ZNF618: variants seen among roughly 807,000 people sequenced by gnomAD.
The protein encoded by ZNF618 is zinc finger protein 618, also known as neural precursor cell expressed, developmentally down-regulated 10.
ZNF618 carries 34 observed loss-of-function variants against 103.0 expected under a neutral mutation model. The ratio of observed to expected loss-of-function variants is 0.33; its 90% CI spans 0.25 to 0.44. The LOEUF (loss-of-function observed/expected upper bound fraction) is 0.44. Among genes scored for constraint, ZNF618 ranks in the 20% least tolerant of loss-of-function variants. The pLI, the probability that ZNF618 is intolerant of heterozygous loss-of-function variation, is 1.00. For synonymous variants in ZNF618, 551 were observed against 542.2 expected, an observed-to-expected ratio of 1.02 and a Z score of -0.23; for missense variants, 1,059 against 1,295.4, an observed-to-expected ratio of 0.82 and a Z score of 2.80.
intron 13 of ZNF618, among the ~76,000 whole-genome samples, chr9:114,039,477 A>C (rs1211312947): frequency 6.6e-6 from 1 of 151,320 alleles, no homozygotes; most frequent in African/African-American, 2.4e-5. Context: ...CAGCCTCCCT[A>C]GTAGCTGGGA....
chr9:113,912,166 G>A (rs1336832407), intron 1 of ZNF618, among the ~76,000 whole-genome samples: 1 of 152,204 alleles, frequency 6.6e-6, no homozygotes, highest in Non-Finnish European at 1.5e-5. Flanking sequence ...GGAGATTGGA[G>A]GAATGGTGAG....
chr9:113,924,702 A>G (rs1432316147), intron 1 of ZNF618, among the ~76,000 whole-genome samples: 4 of 151,840 alleles, frequency 2.6e-5, no homozygotes, highest in Admixed American at 1.3e-4. Flanking sequence ...GCTGCTTCCC[A>G]TAAATGTTGA....
intron 2 of ZNF618, among the ~76,000 whole-genome samples, chr9:113,981,804 A>G (rs1350473083): frequency 6.6e-6 from 1 of 152,208 alleles, no homozygotes; most frequent in African/African-American, 2.4e-5. Flanking sequence ...GACCTTGGCC[A>G]TGCCTTTCCT....
intron 13 of ZNF618, among the ~76,000 whole-genome samples, chr9:114,042,266 T>C (rs1845262766): frequency 6.6e-6 from 1 of 152,222 alleles, no homozygotes; most frequent in Admixed American, 6.5e-5. Flanking sequence ...TATTTTAAAA[T>C]ATGACTTACA....
chr9:113,957,079 A>G (rs1282358392), intron 1 of ZNF618, among the ~76,000 whole-genome samples: 1 of 152,212 alleles, frequency 6.6e-6, no homozygotes, highest in Admixed American at 6.5e-5. Flanking sequence ...AACCCAACCC[A>G]TCTGCCTGTA....
chr9:114,013,561 G>A (rs1842426462), intron 9 of ZNF618, among the ~76,000 whole-genome samples: 1 of 152,134 alleles, frequency 6.6e-6, no homozygotes, highest in African/African-American at 2.4e-5. Flanking sequence ...CTCCCAAGTA[G>A]CTGGGACTAC....
At chr9:113,979,653 G>A (rs1838803139) in intron 2 of ZNF618, among the ~76,000 whole-genome samples, 1 of 152,246 alleles carries the variant, frequency 6.6e-6, no homozygotes, top group Admixed American at 6.5e-5. Flanking sequence ...CCAGTGCCAT[G>A]CTGGCATTGA....
At chr9:113,898,030 T>G (rs1031471432) in intron 1 of ZNF618, among the ~76,000 whole-genome samples, 2 of 152,202 alleles carry the variant, frequency 1.3e-5, no homozygotes, top group African/African-American at 4.8e-5. Flanking sequence ...TGACCTCAGA[T>G]GATCCACCCG....
chr9:114,028,716 G>A lies in ZNF618; in HGVS notation c.845-17G>A. The A allele has an allele frequency of 6.5e-7, 1 of 1,546,568 alleles. No individual in the cohort carries two copies. The highest frequency in any genetic ancestry group is 8.7e-7 in the Non-Finnish European group (1 of 1,144,538). On this transcript the variant is annotated splice_polypyrimidine_tract_variant and intron_variant, in intron 10 of 14. Coordinates refer to ENST00000374126, the MANE Select transcript of ZNF618 (RefSeq NM_001318042.2). ...GGCTGGGAGGGCCCTCGGGGACTGA[G>A]AGCGTGACCCTCTCAGGTACTGCCC...
Position 114,028,724 on chromosome 9 carries a change from C to T in ZNF618, c.845-9C>T, listed in dbSNP as rs2134174165. On this transcript the variant is annotated splice_polypyrimidine_tract_variant and intron_variant, in intron 10 of 14. Transcript: ENST00000374126. ...GGGCCCTCGGGGACTGAGAGCGTGACCCTCTCAGGTACTGCCCCCGGGTGG... is the reference window on the plus strand; with the variant it reads ...GGGCCCTCGGGGACTGAGAGCGTGATCCTCTCAGGTACTGCCCCCGGGTGG... 3.9e-6 allele frequency: 6 copies of T among 1,548,198 alleles called. No individual in the cohort carries two copies. The highest frequency in any genetic ancestry group is 2.7e-5 in the African/African-American group (2 of 73,152).
chr9:113,888,642 G>A (rs1374899129), intron 1 of ZNF618, among the ~76,000 whole-genome samples: 1 of 152,230 alleles, frequency 6.6e-6, no homozygotes, highest in Non-Finnish European at 1.5e-5. Flanking sequence ...GTGAGAGGTG[G>A]AGTCAGGATT....
intron 1 of ZNF618, among the ~76,000 whole-genome samples, chr9:113,958,470 T>C (rs1836523020): frequency 6.6e-6 from 1 of 152,184 alleles, no homozygotes; most frequent in African/African-American, 2.4e-5. Context: ...AAGCCCTTTA[T>C]GTTGAGTTGA....
chr9:113,882,978 A>G (rs1828672840), intron 1 of ZNF618, among the ~76,000 whole-genome samples: 1 of 152,172 alleles, frequency 6.6e-6, no homozygotes, highest in South Asian at 2.1e-4. Flanking sequence ...GGTTGTTTGC[A>G]TTTCTGCTTC....
chr9:114,033,925 TGAGTGTG>T (rs1357045728), intron 12 of ZNF618, among the ~76,000 whole-genome samples: 1 of 152,178 alleles, frequency 6.6e-6, no homozygotes, highest in Non-Finnish European at 1.5e-5. Flanking sequence ...AGCGCAGACT[TGAGTGTG>T]GAGGCATCTG....
At chr9:113,939,543 A>C (rs1834364725) in intron 1 of ZNF618, among the ~76,000 whole-genome samples, 1 of 152,154 alleles carries the variant, frequency 6.6e-6, no homozygotes, top group African/African-American at 2.4e-5. Flanking sequence ...ACACCTCACG[A>C]TTTAGAAAAC....
At chr9:114,006,133 G>A (rs184527200) in intron 6 of ZNF618, among the ~76,000 whole-genome samples, 4 of 152,352 alleles carry the variant, frequency 2.6e-5, no homozygotes, top group Non-Finnish European at 5.9e-5. Context: ...GGTGGGGCCA[G>A]AAACCTTCCC....
intron 1 of ZNF618, among the ~76,000 whole-genome samples, chr9:113,901,339 T>A (rs1161070560): frequency 6.6e-6 from 1 of 152,212 alleles, no homozygotes; most frequent in African/African-American, 2.4e-5. Flanking sequence ...GTCTCCTGTC[T>A]AGGCAGCTGT....
chr9:113,949,491 G>C (rs954995573), intron 1 of ZNF618, among the ~76,000 whole-genome samples: 1 of 152,156 alleles, frequency 6.6e-6, no homozygotes, highest in South Asian at 2.1e-4. Context: ...CTACCACTGG[G>C]TCATCCAACT....
intron 12 of ZNF618, among the ~76,000 whole-genome samples, chr9:114,035,018 C>G (rs1844458319): frequency 6.6e-6 from 1 of 152,214 alleles, no homozygotes; most frequent in Non-Finnish European, 1.5e-5. Context: ...AAGGCATGGC[C>G]TCTGTGTCAA....
Sources: allele counts gnomAD v4.1 joint callset (sites outside exome capture counted in the v4.1 genomes callset), GRCh38; gene constraint gnomAD v4.1.1; transcripts MANE v1.5; gene names NCBI Gene and HGNC (gene_info 2026-07-23, HGNC 2026-07-21).